The following PDE3A variants were observed in gnomAD, a reference collection of about 807,000 sequenced individuals.
The protein encoded by PDE3A is cGMP-inhibited 3',5'-cyclic phosphodiesterase 3A.
Under a neutral mutation model 98.3 loss-of-function variants are expected in PDE3A, and 43 were observed. The ratio of observed to expected loss-of-function variants is 0.44; its 90% CI spans 0.34 to 0.56. PDE3A has a LOEUF of 0.56. PDE3A is among the 20% of genes least tolerant of loss of function. The pLI is 0.01. For synonymous variants in PDE3A, 663 were observed against 567.9 expected, an observed-to-expected ratio of 1.17 and a Z score of -2.38; for missense variants, 1,427 against 1,440.7, an observed-to-expected ratio of 0.99 and a Z score of 0.15.
chr12:20,511,360 A>G (rs1946218762), intron 1 of PDE3A, among the ~76,000 whole-genome samples: 1 of 151,868 alleles, frequency 6.6e-6, no homozygotes, highest in East Asian at 1.9e-4. Context: ...TGGTTCAGGA[A>G]TATACGAGAA....
At position 20,569,391 on chromosome 12, in the gene PDE3A, GTTTA is replaced by G. The variant is rs896977804; in HGVS notation, c.1011+12691_1011+12694del. Among the ~76,000 whole-genome samples the G allele has an allele frequency of 9.9e-5, 15 of 152,056 alleles. No homozygotes were observed. In the South Asian group the frequency reaches 1.9e-3, roughly 19 times the overall value. The stretch of plus-strand genomic sequence containing the variant: ...TGTTCTATATATTTTTATTTTAAAA[GTTTA>G]TTTATTTATGAGGGAATTAGGGTTA... On this transcript the variant is annotated intron_variant, in intron 2 of 15. Coordinates refer to ENST00000359062, the MANE Select transcript of PDE3A (RefSeq NM_000921.5).
chr12:20,515,277 A>C (rs573097384), intron 1 of PDE3A, among the ~76,000 whole-genome samples: 9 of 152,256 alleles, frequency 5.9e-5, no homozygotes, highest in Non-Finnish European at 1.2e-4. Context: ...CATATAGTAG[A>C]TACTGAAGAA....
At chr12:20,386,120 T>TAAATATGTATAA (rs1943779878) in intron 1 of PDE3A, among the ~76,000 whole-genome samples, 1 of 76,194 alleles carries the variant, frequency 1.3e-5, no homozygotes, top group Non-Finnish European at 2.2e-5. Flanking sequence ...TAAATATATA[T>TAAATATGTATAA]AAATATATAT....
chr12:20,438,091 G>A (rs760538865), intron 1 of PDE3A, among the ~76,000 whole-genome samples: 22 of 152,082 alleles, frequency 1.4e-4, no homozygotes, highest in African/African-American at 2.2e-4. Context: ...GGGGGTCTCC[G>A]ATAGCTGATT....
chr12:20,519,882 A>C (rs1024195894), intron 1 of PDE3A, among the ~76,000 whole-genome samples: 7 of 152,142 alleles, frequency 4.6e-5, no homozygotes, highest in African/African-American at 1.7e-4. Flanking sequence ...GAGGAAAGTA[A>C]GGCCTGTGCT....
At chr12:20,524,470 A>G (rs1946481500) in intron 1 of PDE3A, among the ~76,000 whole-genome samples, 1 of 152,158 alleles carries the variant, frequency 6.6e-6, no homozygotes, top group Non-Finnish European at 1.5e-5. Context: ...AAGATGATGA[A>G]GTTTATTGCC....
chr12:20,629,824 G>C, intron 5 of PDE3A, 84 bp from the exon 6 acceptor site: 1 of 1,041,054 alleles, frequency 9.6e-7, no homozygotes, highest in Non-Finnish European at 1.5e-6. Flanking sequence ...TACTGAGTTT[G>C]TAAGAGTCCA....
At chr12:20,513,732 A>C (rs1241572862) in intron 1 of PDE3A, among the ~76,000 whole-genome samples, 1 of 152,172 alleles carries the variant, frequency 6.6e-6, no homozygotes, top group Non-Finnish European at 1.5e-5. Flanking sequence ...CCACACAAGC[A>C]GTTTTGACAC....
In PDE3A at chr12:20,654,482, G is replaced by C. The variant is rs377563608; in HGVS notation, c.3184+277G>C. On this transcript the variant is annotated intron_variant, in intron 15 of 15. Coordinates refer to ENST00000359062, the MANE Select transcript of PDE3A (RefSeq NM_000921.5). Reference sequence around the variant, plus strand: ...TAAGGAGTTGAAGCCTATTCTTCAGGGTATCTGGTTTTTTGTTTGTTTTTT... The same window carrying C: ...TAAGGAGTTGAAGCCTATTCTTCAGCGTATCTGGTTTTTTGTTTGTTTTTT... Among the ~76,000 whole-genome samples, 711 of 125,322 alleles carry C rather than the reference G, an allele frequency of 5.7e-3. 6 individuals carry two copies. The highest frequency in any genetic ancestry group is 0.022 in the African/African-American group (693 of 32,188). 82.2% of individuals were successfully genotyped at this position (125,322 alleles called of 152,430 possible). A position where few individuals can be genotyped will look rare whatever the true frequency, so the allele number is the denominator to read the frequency against.
chr12:20,596,352 T>A (rs1943465597), intron 2 of PDE3A, among the ~76,000 whole-genome samples: 1 of 152,154 alleles, frequency 6.6e-6, no homozygotes, highest in South Asian at 2.1e-4. Flanking sequence ...ACCTTGATGA[T>A]CCTGCCTGAC....
intron 1 of PDE3A, among the ~76,000 whole-genome samples, chr12:20,472,976 T>C (rs1293485676): frequency 1.3e-5 from 2 of 152,150 alleles, no homozygotes; most frequent in Non-Finnish European, 2.9e-5. Flanking sequence ...TGATACTCAA[T>C]ATATACATAT....
chr12:20,679,575 G>T (rs569156569), intron 15 of PDE3A, among the ~76,000 whole-genome samples: 1 of 152,194 alleles, frequency 6.6e-6, no homozygotes, highest in Admixed American at 6.5e-5. Context: ...TCCACATGAA[G>T]CAGATGAGGA....
chr12:20,391,155 G>A (rs1467461265), intron 1 of PDE3A, among the ~76,000 whole-genome samples: 1 of 151,718 alleles, frequency 6.6e-6, no homozygotes, highest in African/African-American at 2.4e-5. Context: ...TACTTTATCA[G>A]TAGAGACAAT....
At chr12:20,448,442 C>T (rs1338245325) in intron 1 of PDE3A, among the ~76,000 whole-genome samples, 2 of 152,030 alleles carry the variant, frequency 1.3e-5, no homozygotes, top group Admixed American at 1.3e-4. Flanking sequence ...ACTCTGTCTC[C>T]AGGGGGAAAT....
chr12:20,462,387 A>C (rs1945266212), intron 1 of PDE3A, among the ~76,000 whole-genome samples: 1 of 152,130 alleles, frequency 6.6e-6, no homozygotes, highest in Admixed American at 6.5e-5. Context: ...GCTACTCAGA[A>C]GGCTGAGGCA....
At chr12:20,515,931 A>G (rs1257278919) in intron 1 of PDE3A, among the ~76,000 whole-genome samples, 2 of 149,298 alleles carry the variant, frequency 1.3e-5, no homozygotes, top group Admixed American at 1.3e-4. Flanking sequence ...ACGGGGTTTC[A>G]CCGTTTTAGC....
chr12:20,391,793 G>A (rs971490223), intron 1 of PDE3A, among the ~76,000 whole-genome samples: 9 of 151,706 alleles, frequency 5.9e-5, no homozygotes, highest in African/African-American at 2.2e-4. Context: ...CCTCCTCTCT[G>A]TTTAGATATG....
chr12:20,432,964 G>A (rs1313503473), intron 1 of PDE3A, among the ~76,000 whole-genome samples: 1 of 152,054 alleles, frequency 6.6e-6, no homozygotes, highest in African/African-American at 2.4e-5. Flanking sequence ...GGTCTTAAGG[G>A]TGACTCCATC....
intron 1 of PDE3A, among the ~76,000 whole-genome samples, chr12:20,520,029 C>A (rs7977362): frequency 1.1e-4 from 16 of 152,152 alleles, no homozygotes; most frequent in East Asian, 7.7e-4. Flanking sequence ...GGTGACATCG[C>A]TATTCAGTGA....
Sources: gnomAD v4.1 joint callset for allele counts (sites outside exome capture counted in the v4.1 genomes callset) on GRCh38, gnomAD v4.1.1 for gene constraint, MANE v1.5 for transcripts, NCBI Gene and HGNC (gene_info 2026-07-23, HGNC 2026-07-21) for gene names.